Variants in MSRB3 observed in about 807,000 individuals in gnomAD.
MSRB3 encodes the protein methionine sulfoxide reductase B3, also known as methionine-R-sulfoxide reductase B3.
In MSRB3, 13 loss-of-function variants were observed where a neutral mutation model predicts 21.0. That is an observed-to-expected ratio of 0.62 (90% CI 0.40 to 0.98). The LOEUF (loss-of-function observed/expected upper bound fraction) is 0.98. Ranked by LOEUF, MSRB3 falls within the 50% of genes least tolerant of loss-of-function variation. MSRB3 has a pLI of 0.00. For synonymous variants in MSRB3, 87 were observed against 88.6 expected (o/e 0.98, Z 0.10); for missense variants, 199 against 230.3 (o/e 0.86, Z 0.88).
chr12:65,337,512 T>G (rs914591939), intron 4 of MSRB3, among the ~76,000 whole-genome samples: 1 of 150,788 alleles, frequency 6.6e-6, no homozygotes, highest in Non-Finnish European at 1.5e-5. Context: ...ACTTTCTATC[T>G]CATTTTTTTT....
intron 2 of MSRB3, among the ~76,000 whole-genome samples, chr12:65,315,526 C>T (rs188606962): frequency 1.0e-3 from 159 of 151,768 alleles, no homozygotes; most frequent in East Asian, 3.5e-3. Flanking sequence ...AATAATTAGC[C>T]GGGCCTGGTG....
chr12:65,293,369 C>T (rs997326827), intron 1 of MSRB3, among the ~76,000 whole-genome samples: 19 of 152,088 alleles, frequency 1.2e-4, no homozygotes, highest in Admixed American at 4.6e-4. Flanking sequence ...CTTTTTGGGA[C>T]GAAGTTCCAA....
chr12:65,351,528 G>GT (rs1330062827), intron 4 of MSRB3, among the ~76,000 whole-genome samples: 24 of 150,158 alleles, frequency 1.6e-4, no homozygotes, highest in Middle Eastern at 3.4e-3. Flanking sequence ...CCAGGAGCTG[G>GT]TTTTTTGAAG....
chr12:65,431,389 A>AT (rs1441642030), intron 5 of MSRB3, among the ~76,000 whole-genome samples: 3 of 151,848 alleles, frequency 2.0e-5, no homozygotes, highest in Non-Finnish European at 4.4e-5. Context: ...TCCAGCATTA[A>AT]TTTTTTTGTG....
intron 1 of MSRB3, among the ~76,000 whole-genome samples, chr12:65,290,638 A>G (rs533532017): frequency 6.6e-6 from 1 of 152,234 alleles, no homozygotes; most frequent in Admixed American, 6.5e-5. Flanking sequence ...TTATCCTTCT[A>G]AAATATTTCA....
chr12:65,305,796 A>C (rs1263643784), intron 1 of MSRB3, among the ~76,000 whole-genome samples: 5 of 152,144 alleles, frequency 3.3e-5, no homozygotes, highest in Non-Finnish European at 7.3e-5. Flanking sequence ...TACTGTGGAA[A>C]CCTATCAAGT....
At chr12:65,405,953 T>A (rs985322838) in intron 5 of MSRB3, among the ~76,000 whole-genome samples, 3 of 152,202 alleles carry the variant, frequency 2.0e-5, no homozygotes, top group Non-Finnish European at 4.4e-5. Flanking sequence ...TTTGAGTTTT[T>A]TATATATTTT....
chr12:65,371,661 A>T (rs936277831), intron 5 of MSRB3, among the ~76,000 whole-genome samples: 12 of 152,144 alleles, frequency 7.9e-5, no homozygotes, highest in African/African-American at 2.9e-4. Context: ...ACCCAACTTT[A>T]TGCAGAGCTT....
At chr12:65,458,627 G>A (rs1883192570) in intron 6 of MSRB3, among the ~76,000 whole-genome samples, 1 of 152,144 alleles carries the variant, frequency 6.6e-6, no homozygotes, top group South Asian at 2.1e-4. Flanking sequence ...TGGGTACCCT[G>A]TTATATTCTG....
intron 5 of MSRB3, among the ~76,000 whole-genome samples, chr12:65,449,206 T>TTC (rs1491124363): frequency 5.6e-4 from 4 of 7,120 alleles, no homozygotes; most frequent in African/African-American, 2.7e-3. Flanking sequence ...TTTTTTTGTA[T>TTC]TTTTTTTTTT....
At chr12:65,440,206 T>A (rs1882304911) in intron 5 of MSRB3, among the ~76,000 whole-genome samples, 1 of 151,606 alleles carries the variant, frequency 6.6e-6, no homozygotes, top group African/African-American at 2.4e-5. Flanking sequence ...AAAACAAACA[T>A]CCTATATGAA....
At chr12:65,414,635 A>G (rs1047830936) in intron 5 of MSRB3, among the ~76,000 whole-genome samples, 7 of 152,318 alleles carry the variant, frequency 4.6e-5, no homozygotes, top group Admixed American at 1.3e-4. Context: ...TTATATAACA[A>G]CAAAATAGGC....
intron 4 of MSRB3, among the ~76,000 whole-genome samples, chr12:65,361,662 A>G (rs1043692851): frequency 6.6e-6 from 1 of 152,090 alleles, no homozygotes; most frequent in African/African-American, 2.4e-5. Flanking sequence ...TTCCTTCTTG[A>G]TATTGGCAAA....
intron 1 of MSRB3, among the ~76,000 whole-genome samples, chr12:65,294,642 C>T (rs142198086): frequency 1.3e-5 from 2 of 152,284 alleles, no homozygotes; most frequent in East Asian, 3.9e-4. Context: ...AAAAATCCTT[C>T]TAGGCCATTT....
rs1273768999 is a variant in MSRB3 at position 65,278,701 on chromosome 12, T to C, written c.-216T>C. On this transcript the variant is annotated 5_prime_UTR_variant, in exon 1 of 7. Transcript: ENST00000308259. ...TCCCGTCATGCCTCCCGCCGCCCCG[T>C]CCGTCGCCCGGAGCCGGGGAGGGAG... is the stretch of plus-strand genomic sequence containing the variant. The C allele has an allele frequency of 8.7e-6, 12 of 1,378,600 alleles. No homozygotes were observed. Among genetic ancestry groups the C allele is most frequent in the Non-Finnish European group, 1.0e-5 (10 of 997,298 alleles). The allele number at this position is 1,378,600 out of a possible 1,614,324, so 85.4% of individuals were successfully genotyped here.
At chr12:65,440,529 C>A (rs747118307) in intron 5 of MSRB3, among the ~76,000 whole-genome samples, 1 of 151,574 alleles carries the variant, frequency 6.6e-6, no homozygotes, top group East Asian at 1.9e-4. Context: ...TTAATAATAC[C>A]TTCCTGAGAC....
At chr12:65,354,337 A>C (rs1877244335) in intron 4 of MSRB3, among the ~76,000 whole-genome samples, 1 of 152,004 alleles carries the variant, frequency 6.6e-6, no homozygotes, top group Admixed American at 6.6e-5. Context: ...ACTTGGTTCC[A>C]TTCTTCCCGT....
At chr12:65,376,366 G>C (rs1235375105) in intron 5 of MSRB3, among the ~76,000 whole-genome samples, 2 of 152,072 alleles carry the variant, frequency 1.3e-5, no homozygotes, top group African/African-American at 4.8e-5. Flanking sequence ...TGATCCGCCC[G>C]CCTCGGCCTC....
intron 1 of MSRB3, among the ~76,000 whole-genome samples, chr12:65,288,974 T>C (rs1241439577): frequency 3.3e-5 from 5 of 152,200 alleles, no homozygotes; most frequent in Non-Finnish European, 7.4e-5. Flanking sequence ...ATATAAGGTA[T>C]AAAGAATATT....
Sources: gnomAD v4.1 joint callset for allele counts (sites outside exome capture counted in the v4.1 genomes callset) on GRCh38, gnomAD v4.1.1 for gene constraint, MANE v1.5 for transcripts, NCBI Gene and HGNC (gene_info 2026-07-23, HGNC 2026-07-21) for gene names.